Variants in C3 observed in about 807,000 individuals in gnomAD.
C3 encodes C3 and PZP-like alpha-2-macroglobulin domain-containing protein 1.
A neutral mutation model predicts 207.9 loss-of-function variants in C3; 97 were observed. The ratio of observed to expected loss-of-function variants is 0.47; its 90% CI spans 0.40 to 0.55. The LOEUF (loss-of-function observed/expected upper bound fraction) is 0.55, where lower values mean the gene tolerates loss of function less well. Among genes scored for constraint, C3 ranks in the 20% least tolerant of loss-of-function variants. The pLI is 0.00. For missense variants in C3, 1,684 were observed against 2,171.7 expected (o/e 0.78, Z 4.46); for synonymous variants, 848 against 857.6 (o/e 0.99, Z 0.20).
intron 19 of C3, among the ~76,000 whole-genome samples, chr19:6,699,705 C>T (rs888416328): frequency 3.3e-5 from 5 of 151,262 alleles, no homozygotes; most frequent in African/African-American, 1.2e-4. Flanking sequence ...AATTGTAAAA[C>T]ACATGCTGGA....
chr19:6,714,085 G>A lies in C3; in HGVS notation c.683-3C>T, dbSNP rs1293161211. On this transcript the variant is annotated splice_polypyrimidine_tract_variant and splice_region_variant and intron_variant, in intron 6 of 40. Transcript: ENST00000245907. ...TATGACCTCGAAACTGGGCAGCACT[G>A]GGGGAGAGATGGCGTTGGTGGGGCC... 2 of 1,611,842 alleles carry A rather than the reference G, an allele frequency of 1.2e-6. No homozygotes were observed.
At position 6,694,596 on chromosome 19, in the gene C3, C is replaced by A; in HGVS notation, c.2989G>T (p.Ala997Ser). The stretch of plus-strand genomic sequence containing the variant: ...ACAATGAGGTGCTTCAGCCGTTCCG[C>A]GTCGACGGCATCCTCTGTCATCTGG... Reference protein sequence around the residue: ...VAQMTEDAVDAERLKHLIVTP... With the variant: ...VAQMTEDAVDSERLKHLIVTP... Residue 997 changes from alanine to serine, a missense_variant, in exon 24 of 41, where the codon GCG becomes TCG. Ala to Ser is a moderately conservative substitution (Grantham distance 99). Around this residue, in one of 3 missense-constraint regions of C3, gnomAD observed 1,280 missense variants for 1,739.1 expected, o/e 0.74. Transcript: ENST00000245907. 2 of 1,613,628 alleles carry A rather than the reference C, an allele frequency of 1.2e-6. No homozygotes were observed.
chr19:6,701,969 G>A (rs1232933273), intron 19 of C3, among the ~76,000 whole-genome samples, 158 bp downstream of exon 19: 5 of 152,162 alleles, frequency 3.3e-5, no homozygotes, highest in Non-Finnish European at 7.3e-5. Context: ...CAGGAACTAA[G>A]GATTCCCACA....
intron 21 of C3, 122 bp from the exon 22 acceptor site, chr19:6,696,781 C>T (rs959521013): frequency 5.5e-6 from 5 of 906,132 alleles, no homozygotes; most frequent in African/African-American, 1.6e-5. Flanking sequence ...GTGGCTCGTG[C>T]CTGTGATCCT....
Position 6,694,570 on chromosome 19 carries a change from C to T in C3, c.3015G>A (p.Val1005=), listed in dbSNP as rs1340489185. The change falls in exon 24 of 41, where the codon GTG becomes GTA. Residue 1005 remains valine (V), a synonymous_variant. Coordinates refer to ENST00000245907, the MANE Select transcript of C3 (RefSeq NM_000064.4). ...VDAERLKHLI[V]TPSGCGEQNM... is the part of the protein sequence containing the mutation. ...TCTGTTCCCCGCAGCCCGAGGGGGTCACAATGAGGTGCTTCAGCCGTTCCG... is the reference window on the plus strand; with the variant it reads ...TCTGTTCCCCGCAGCCCGAGGGGGTTACAATGAGGTGCTTCAGCCGTTCCG... 6.2e-7 allele frequency: 1 copy of T among 1,613,960 alleles called. No individual in the cohort carries two copies. Among genetic ancestry groups the T allele is most frequent in the Non-Finnish European group, 8.5e-7 (1 of 1,179,990 alleles).
rs149675330 is a variant in C3 at position 6,678,211 on chromosome 19, C to T, written c.4791G>A (p.Glu1597=). 2.6e-4 allele frequency: 425 copies of T among 1,614,088 alleles called. No individual in the cohort carries two copies. The highest frequency in any genetic ancestry group is 3.4e-4 in the Non-Finnish European group (397 of 1,180,046). The stretch of plus-strand genomic sequence containing the variant: ...CCCACATGAGGTAGTGTTTCTTCTC[C>T]TCCAGCTTCAGGGCTTCTCTGCACT... The part of the protein sequence containing the change: ...PIKCREALKL[E]EKKHYLMWGL... The change falls in exon 40 of 41, where the codon GAG becomes GAA. Residue 1597 remains glutamate, a synonymous_variant. Transcript: ENST00000245907.
chr19:6,691,488 G>A (rs1323038845), intron 26 of C3, among the ~76,000 whole-genome samples: 1 of 152,200 alleles, frequency 6.6e-6, no homozygotes, highest in Non-Finnish European at 1.5e-5. Context: ...CTCACAGACG[G>A]CAGGGATTAG....
chr19:6,692,806 C>T (rs1355000147), intron 26 of C3, 118 bp downstream of exon 26: 5 of 1,293,020 alleles, frequency 3.9e-6, no homozygotes, highest in Admixed American at 1.7e-5. Flanking sequence ...CCCCCCAGCC[C>T]AATCTTTGCA....
At chr19:6,718,200 C>G (rs780023806) in intron 3 of C3, 36 bp from the exon 4 acceptor site, 2 of 1,614,056 alleles carry the variant, frequency 1.2e-6, no homozygotes, top group South Asian at 2.2e-5. Flanking sequence ...GAGACCCTAG[C>G]CCGCCCACGC....
rs199970572 is a variant in C3, at chr19:6,718,247, C to T, written c.433G>A (p.Val145Ile). The T allele has an allele frequency of 1.1e-5, 17 of 1,614,220 alleles. No individual in the cohort carries two copies. In the African/African-American group the frequency reaches 1.7e-4, roughly 16 times the overall value. The change falls in exon 3 of 41, where the codon GTT (valine) becomes ATT (isoleucine). Residue 145 changes from valine to isoleucine, a missense_variant and splice_region_variant. By Grantham distance (29) the Val-to-Ile change is conservative. Coordinates refer to ENST00000245907, the MANE Select transcript of C3 (RefSeq NM_000064.4). The stretch of plus-strand genomic sequence containing the variant: ...CCTCTCCAGCCGCCCCCAGCCTCAC[C>T]TGTGGAGCCAGGGGTGTAGATGGTC... ...DKTIYTPGST[V>I]LYRIFTVNHK... is the part of the protein sequence containing the mutation.
chr19:6,718,248 T>C lies in C3; in HGVS notation c.432A>G (p.Thr144=), dbSNP rs1968085365. The C allele has an allele frequency of 6.2e-7, 1 of 1,614,206 alleles. No individual in the cohort carries two copies. ...TDKTIYTPGS[T]VLYRIFTVNH... ...CTCTCCAGCCGCCCCCAGCCTCACC[T>C]GTGGAGCCAGGGGTGTAGATGGTCT... The change falls in exon 3 of 41, where the codon ACA becomes ACG. Residue 144 remains threonine (T), a splice_region_variant and synonymous_variant. Coordinates refer to ENST00000245907, the MANE Select transcript of C3 (RefSeq NM_000064.4).
chr19:6,699,198 C>T (rs1253968031), intron 19 of C3, among the ~76,000 whole-genome samples: 1 of 151,480 alleles, frequency 6.6e-6, no homozygotes, highest in Non-Finnish European at 1.5e-5. Context: ...TTTGCAACTA[C>T]TTGAGTATGA....
Position 6,713,391 on chromosome 19 carries a change from C to T in C3, c.876+16G>A, listed in dbSNP as rs764369974. On this transcript the variant is annotated intron_variant, in intron 8 of 40. Transcript: ENST00000245907. ...GGGACTGGGGCAGGGATCAAAGCGG[C>T]CTCCGTCTATGGTACCGGAATGCGC... 6.2e-7 allele frequency: 1 copy of T among 1,613,684 alleles called. No individual in the cohort carries two copies. Among genetic ancestry groups the T allele is most frequent in the Non-Finnish European group, 8.5e-7 (1 of 1,179,702 alleles).
intron 35 of C3, 56 bp from the exon 36 acceptor site, chr19:6,680,319 T>C: frequency 1.1e-6 from 1 of 922,068 alleles, no homozygotes; most frequent in Non-Finnish European, 1.8e-6. Flanking sequence ...AGTCCAGCAT[T>C]GTCTTGGGAG....
intron 19 of C3, among the ~76,000 whole-genome samples, chr19:6,698,519 G>A (rs1048988194): frequency 3.9e-5 from 6 of 152,190 alleles, no homozygotes; most frequent in African/African-American, 1.4e-4. Context: ...GTATTTAAAT[G>A]TATTTAATTT....
intron 35 of C3, among the ~76,000 whole-genome samples, chr19:6,680,829 A>G (rs1568209975): frequency 6.6e-6 from 1 of 152,134 alleles, no homozygotes; most frequent in Non-Finnish European, 1.5e-5. Flanking sequence ...AATGGGAAGA[A>G]ATAAGAGAAG....
chr19:6,678,128 CG>C, intron 40 of C3, 23 bp downstream of exon 40: 1 of 1,614,040 alleles, frequency 6.2e-7, no homozygotes, highest in Non-Finnish European at 8.5e-7. Context: ...GGCGGTCGCG[CG>C]CACGCGCAGG....
chr19:6,714,198 A>G lies in C3; in HGVS notation c.650T>C (p.Val217Ala). Residue 217 changes from valine (V) to alanine (A), a missense_variant, in exon 6 of 41, where the codon GTC (valine) becomes GCC (alanine). Physicochemically the swap from Val to Ala is moderately conservative, Grantham distance 64. Coordinates refer to ENST00000245907, the MANE Select transcript of C3 (RefSeq NM_000064.4). ...RAYYENSPQQ[V>A]FSTEFEVKEY... is the part of the protein sequence containing the mutation. ...CTTCACCTCAAACTCAGTGGAGAAGACCTGCTGTGGTGAGTTTTCATAGTA... is the reference window on the plus strand; with the variant it reads ...CTTCACCTCAAACTCAGTGGAGAAGGCCTGCTGTGGTGAGTTTTCATAGTA... 2 of 1,613,600 alleles carry G rather than the reference A, an allele frequency of 1.2e-6. No individual in the cohort carries two copies. Among genetic ancestry groups the G allele is most frequent in the Non-Finnish European group, 1.7e-6 (2 of 1,179,928 alleles).
At position 6,719,093 on chromosome 19, in the gene C3, G is replaced by A; in HGVS notation, c.267+118C>T. ...GGAGAGGCGACTCCGAAGGGGTGGA[G>A]TCTCAGGGAAGGGCAGGGCTTAGAA... On this transcript the variant is annotated intron_variant, in intron 2 of 40. Transcript: ENST00000245907. The surrounding 1 kb of genome is among the most constrained non-coding windows in gnomAD (Gnocchi z 5.4). 1.1e-6 allele frequency: 1 copy of A among 912,204 alleles called. No individual in the cohort carries two copies. Among genetic ancestry groups the A allele is most frequent in the South Asian group, 1.3e-5 (1 of 76,082 alleles). The allele number at this position is 912,204 out of a possible 1,614,324, so 56.5% of individuals were successfully genotyped here. A position where few individuals can be genotyped will look rare whatever the true frequency, so the allele number is the denominator to read the frequency against.
Sources: allele counts gnomAD v4.1 joint callset (sites outside exome capture counted in the v4.1 genomes callset), GRCh38; gene constraint gnomAD v4.1.1; regional missense constraint gnomAD v4.1.1; non-coding constraint Gnocchi (gnomAD v3.1); transcripts MANE v1.5; gene names NCBI Gene and HGNC (gene_info 2026-07-23, HGNC 2026-07-21).